SHISA9: variants seen among roughly 807,000 people sequenced by gnomAD.
SHISA9 encodes the protein shisa family member 9.
A neutral mutation model predicts 38.0 loss-of-function variants in SHISA9; 13 were observed. The observed-to-expected ratio is 0.34, with a 90% confidence interval of 0.22 to 0.54. SHISA9 has a LOEUF of 0.54. SHISA9 is among the 20% of genes least tolerant of loss of function. SHISA9 has a pLI of 0.91. For missense variants in SHISA9, 538 were observed against 575.8 expected, an observed-to-expected ratio of 0.93 and a Z score of 0.67; for synonymous variants, 275 against 242.0, an observed-to-expected ratio of 1.14 and a Z score of -1.27.
chr16:13,032,457 G>A (rs2073003315), intron 2 of SHISA9, among the ~76,000 whole-genome samples: 1 of 152,122 alleles, frequency 6.6e-6, no homozygotes, highest in Non-Finnish European at 1.5e-5. Flanking sequence ...TTTATGTGAG[G>A]TTCCTGTCTT....
At chr16:13,020,124 T>G (rs1053931081) in intron 2 of SHISA9, among the ~76,000 whole-genome samples, 1 of 150,344 alleles carries the variant, frequency 6.7e-6, no homozygotes, top group Non-Finnish European at 1.5e-5. Flanking sequence ...CCATCCAGGC[T>G]GAAGCAATTC....
chr16:13,123,453 G>C (rs892638392), intron 2 of SHISA9, among the ~76,000 whole-genome samples: 1 of 152,222 alleles, frequency 6.6e-6, no homozygotes, highest in African/African-American at 2.4e-5. Context: ...ATGAAATAGA[G>C]ATTAGTGGTC....
At chr16:13,404,213 C>A in the SHISA9 span, among the ~76,000 whole-genome samples, 1 of 152,146 alleles carries the variant, frequency 6.6e-6, no homozygotes, top group Admixed American at 6.5e-5. Flanking sequence ...TGTAGCCAGG[C>A]ACTTTGCTGA....
chr16:13,386,897 A>G, the SHISA9 span, among the ~76,000 whole-genome samples: 1 of 152,076 alleles, frequency 6.6e-6, no homozygotes, highest in African/African-American at 2.4e-5. Context: ...GTTTGTTTCT[A>G]ATGTTTTACT....
the SHISA9 span, among the ~76,000 whole-genome samples, chr16:13,435,384 ACAT>A: frequency 6.6e-6 from 1 of 152,242 alleles, no homozygotes; most frequent in Non-Finnish European, 1.5e-5. Flanking sequence ...GTTAAATAAA[ACAT>A]CAGGCAAATG....
intron 1 of SHISA9, chr16:12,909,102 A>G (rs1158846732): frequency 1.0e-6 from 1 of 988,662 alleles, no homozygotes; most frequent in Non-Finnish European, 1.2e-6. Flanking sequence ...CAGGCTGGAG[A>G]AGTCCATGTG....
the SHISA9 span, among the ~76,000 whole-genome samples, chr16:13,511,225 C>T: frequency 1.8e-4 from 28 of 152,240 alleles, no homozygotes; most frequent in African/African-American, 6.7e-4. Context: ...GGAAATTAGT[C>T]ACTGAGATGA....
At chr16:13,513,694 G>A in the SHISA9 span, among the ~76,000 whole-genome samples, 1 of 152,172 alleles carries the variant, frequency 6.6e-6, no homozygotes, top group Non-Finnish European at 1.5e-5. Flanking sequence ...CAAGGACATG[G>A]ATTAAGGTAG....
the SHISA9 span, among the ~76,000 whole-genome samples, chr16:13,373,607 A>G: frequency 6.6e-6 from 1 of 152,130 alleles, no homozygotes; most frequent in Non-Finnish European, 1.5e-5. Context: ...CTAAAAATAC[A>G]AAAAATCAGC....
chr16:13,319,769 G>T, the SHISA9 span, among the ~76,000 whole-genome samples: 61 of 151,238 alleles, frequency 4.0e-4, no homozygotes, highest in African/African-American at 1.3e-3. Context: ...GCCTTTCCAG[G>T]GTGTACAGTG....
chr16:13,019,933 TTCTTTC>T (rs2072823810), intron 2 of SHISA9, among the ~76,000 whole-genome samples: 1 of 95,008 alleles, frequency 1.1e-5, no homozygotes, highest in Non-Finnish European at 2.3e-5. Context: ...CTTTCTTTCT[TTCTTTC>T]TTTCTTTCTT....
At chr16:13,246,391 G>A in the SHISA9 span, 2 of 152,252 alleles carry the variant, frequency 1.3e-5, no homozygotes, top group Non-Finnish European at 1.5e-5. Context: ...ACGTGGAACT[G>A]TAAGTCCATT....
intron 2 of SHISA9, among the ~76,000 whole-genome samples, chr16:12,969,122 T>C (rs953401486): frequency 6.7e-6 from 1 of 148,596 alleles, no homozygotes; most frequent in Non-Finnish European, 1.5e-5. Context: ...CTGCCACTGC[T>C]CTCTGTCCTG....
rs1007816661 is a variant in SHISA9, at chr16:13,202,283, G to A, written c.692-1111G>A. Among the ~76,000 whole-genome samples the A allele has an allele frequency of 3.1e-5, 4 of 130,272 alleles. 2 individuals carry two copies. The highest frequency in any genetic ancestry group is 1.2e-4 in the African/African-American group (4 of 32,638). 85.5% of individuals were successfully genotyped at this position (130,272 alleles called of 152,430 possible). Reference sequence around the variant, plus strand: ...CATGTTGGGTTCCATCCAGCTCCACGGCTTTTGCTCATGCTGCTTCCTCTG... The same window carrying A: ...CATGTTGGGTTCCATCCAGCTCCACAGCTTTTGCTCATGCTGCTTCCTCTG... On this transcript the variant is annotated intron_variant, in intron 2 of 4. Transcript: ENST00000558583.
chr16:12,927,502 G>T (rs1262266898), intron 2 of SHISA9, among the ~76,000 whole-genome samples: 1 of 152,044 alleles, frequency 6.6e-6, no homozygotes, highest in East Asian at 1.9e-4. Flanking sequence ...GGGTTCACGT[G>T]ATCTGCCCAC....
At chr16:13,399,001 A>C in the SHISA9 span, among the ~76,000 whole-genome samples, 1 of 152,170 alleles carries the variant, frequency 6.6e-6, no homozygotes, top group African/African-American at 2.4e-5. Flanking sequence ...CACACCTGTA[A>C]TCTCAACACT....
At chr16:13,089,205 G>A (rs905225940) in intron 2 of SHISA9, among the ~76,000 whole-genome samples, 1 of 152,244 alleles carries the variant, frequency 6.6e-6, no homozygotes, top group Admixed American at 6.5e-5. Flanking sequence ...TGGTTTGCCA[G>A]TATTTTATTG....
At chr16:13,554,308 A>AC in the SHISA9 span, among the ~76,000 whole-genome samples, 6 of 151,452 alleles carry the variant, frequency 4.0e-5, no homozygotes, top group South Asian at 2.1e-4. Flanking sequence ...AAAAAAAAAA[A>AC]AAAACACCTT....
the SHISA9 span, among the ~76,000 whole-genome samples, chr16:13,252,069 C>T: frequency 6.6e-6 from 1 of 152,180 alleles, no homozygotes; most frequent in Non-Finnish European, 1.5e-5. Context: ...TCTTCAGTTC[C>T]CTCCTTTTCA....
Sources: allele counts gnomAD v4.1 joint callset (sites outside exome capture counted in the v4.1 genomes callset), GRCh38; gene constraint gnomAD v4.1.1; transcripts MANE v1.5; gene names NCBI Gene and HGNC (gene_info 2026-07-23, HGNC 2026-07-21).